Variants in MGAM2 observed in about 807,000 individuals in gnomAD.
MGAM2 encodes probable maltase-glucoamylase 2.
MGAM2 carries 98 observed loss-of-function variants against 96.1 expected under a neutral mutation model. That is an observed-to-expected ratio of 1.02 (90% CI 0.87 to 1.21). MGAM2 has a LOEUF of 1.21. Ranked by LOEUF, MGAM2 falls within the 50% of genes most tolerant of loss-of-function variation. The pLI is 0.00. For missense variants in MGAM2, 2,055 were observed against 1,182.4 expected, an observed-to-expected ratio of 1.74 and a Z score of -10.82; for synonymous variants, 749 against 414.8, an observed-to-expected ratio of 1.81 and a Z score of -9.79.
At chr7:142,219,843 C>T (rs1797865286) in intron 47 of MGAM2, 27 bp from the exon 48 acceptor site, 1 of 655,814 alleles carries the variant, frequency 1.5e-6, no homozygotes, top group Non-Finnish European at 2.8e-6. Flanking sequence ...TCTAAAATAC[C>T]CATTTATATC....
In MGAM2 at chr7:142,125,431, T is replaced by C. The variant is rs533205599; in HGVS notation, c.186+5050T>C. On this transcript the variant is annotated intron_variant, in intron 3 of 47. Coordinates refer to ENST00000477922, the MANE Select transcript of MGAM2 (RefSeq NM_001293626.2). ...GGTCTGTGGACTTTGAAACAATTTA[T>C]GACAATGAAACTGACCTTTTGAATT... Among the ~76,000 whole-genome samples, 3 of 152,304 alleles carry C rather than the reference T, an allele frequency of 2.0e-5. No homozygotes were observed. In the East Asian group the frequency reaches 5.8e-4, roughly 29 times the overall value.
At chr7:142,188,903 T>A (rs924282540) in intron 36 of MGAM2, among the ~76,000 whole-genome samples, 2 of 152,240 alleles carry the variant, frequency 1.3e-5, no homozygotes, top group African/African-American at 4.8e-5. Flanking sequence ...TATTTTCAAC[T>A]TGTGATGGGT....
chr7:142,174,715 C>CTCTTTTTTTTTTTTTTTTTTTTTTTT (rs1194981898), intron 31 of MGAM2, among the ~76,000 whole-genome samples: 2 of 85,460 alleles, frequency 2.3e-5, no homozygotes, highest in African/African-American at 1.1e-4. Context: ...CTCTCTCTCT[C>CTCTTTTTTTTTTTTTTTTTTTTTTTT]TTTTTTTTTT....
chr7:142,182,620 A>G (rs1238898264), intron 32 of MGAM2, among the ~76,000 whole-genome samples: 2 of 152,092 alleles, frequency 1.3e-5, no homozygotes, highest in Non-Finnish European at 2.9e-5. Context: ...TCAAATGTCT[A>G]TGGTGTTTGT....
chr7:142,196,935 A>G (rs912292891), intron 40 of MGAM2, 119 bp downstream of exon 40: 22 of 612,108 alleles, frequency 3.6e-5, no homozygotes, highest in Admixed American at 3.1e-4. Flanking sequence ...CAGAATCTTA[A>G]TTTCTTGGAA....
At chr7:142,168,136 A>T (rs1796082175) in intron 26 of MGAM2, among the ~76,000 whole-genome samples, 1 of 152,200 alleles carries the variant, frequency 6.6e-6, no homozygotes, top group African/African-American at 2.4e-5. Flanking sequence ...TTTCTCTAGC[A>T]GTAGTTCTCA....
rs570062760 is a variant in MGAM2 at position 142,157,966 on chromosome 7, T to G, written c.1953T>G (p.Asp651Glu). The G allele has an allele frequency of 4.3e-5, 30 of 703,000 alleles. No individual in the cohort carries two copies. The highest frequency in any genetic ancestry group is 4.1e-4 in the South Asian group (28 of 67,596). 43.5% of individuals were successfully genotyped at this position (703,000 alleles called of 1,614,324 possible). A position where few individuals can be genotyped will look rare whatever the true frequency, so the allele number is the denominator to read the frequency against. Residue 651 changes from aspartate to glutamate, a missense_variant, in exon 18 of 48, where the codon GAT (aspartate) becomes GAG (glutamate). Transcript: ENST00000477922. ...RDQDPAAFGVDSLLLKSSRHY... is the reference protein window; with the variant it reads ...RDQDPAAFGVESLLLKSSRHY... ...AGGATCCCGCTGCCTTTGGTGTTGATTCCCTGCTGCTGAAATCCTCCAGAC... is the reference window on the plus strand; with the variant it reads ...AGGATCCCGCTGCCTTTGGTGTTGAGTCCCTGCTGCTGAAATCCTCCAGAC...
At chr7:142,118,575 A>C (rs190201543) in intron 2 of MGAM2, among the ~76,000 whole-genome samples, 1 of 152,222 alleles carries the variant, frequency 6.6e-6, no homozygotes, top group Admixed American at 6.5e-5. Flanking sequence ...TGCTGTTGTC[A>C]TGGGGAGAAG....
At chr7:142,178,577 G>A (rs1296977145) in intron 32 of MGAM2, among the ~76,000 whole-genome samples, 1 of 152,104 alleles carries the variant, frequency 6.6e-6, no homozygotes, top group Non-Finnish European at 1.5e-5. Flanking sequence ...CATATGGTGA[G>A]CCAGTTATCC....
chr7:142,120,832 A>AC, intron 3 of MGAM2, among the ~76,000 whole-genome samples: 1 of 152,196 alleles, frequency 6.6e-6, no homozygotes, highest in South Asian at 2.1e-4. Context: ...GCAAATTGTT[A>AC]CAAGAGCCCT....
At chr7:142,153,052 G>C (rs1321207113) in intron 15 of MGAM2, among the ~76,000 whole-genome samples, 3 of 146,396 alleles carry the variant, frequency 2.0e-5, no homozygotes, top group Non-Finnish European at 4.5e-5. Flanking sequence ...CTGGAGTGCA[G>C]TGGCACGATC....
intron 37 of MGAM2, among the ~76,000 whole-genome samples, chr7:142,195,483 G>T (rs1797005115): frequency 6.7e-6 from 1 of 149,594 alleles, no homozygotes; most frequent in African/African-American, 2.5e-5. Flanking sequence ...CAGCCTCCTG[G>T]GTAGCTGGGA....
chr7:142,208,344 T>C (rs1176522028), intron 45 of MGAM2: 1 of 638,886 alleles, frequency 1.6e-6, no homozygotes, highest in Non-Finnish European at 2.9e-6. Context: ...TCTCTTGCAT[T>C]TGTAACCTTC....
intron 32 of MGAM2, 91 bp downstream of exon 32, chr7:142,175,871 C>G (rs6958102): frequency 0.21 from 138,811 of 646,198 alleles, 16,394 homozygotes; most frequent in East Asian, 0.35. Flanking sequence ...TGAAGGGTAC[C>G]AGAAATGTTC....
intron 35 of MGAM2, 74 bp from the exon 36 acceptor site, chr7:142,187,676 G>T: frequency 1.5e-6 from 1 of 670,214 alleles, no homozygotes; most frequent in Non-Finnish European, 2.7e-6. Context: ...TCATCTCCCT[G>T]AGTTAGTGTC....
chr7:142,199,790 C>G (rs1797162384), intron 44 of MGAM2, 90 bp from the exon 45 acceptor site: 1 of 502,634 alleles, frequency 2.0e-6, no homozygotes, highest in African/African-American at 2.0e-5. Context: ...TCTTTTATTT[C>G]TAGATAAGTA....
chr7:142,167,163 A>C, intron 25 of MGAM2, 105 bp from the exon 26 acceptor site: 1 of 596,348 alleles, frequency 1.7e-6, no homozygotes, highest in Non-Finnish European at 3.0e-6. Context: ...ACCCATAACC[A>C]TGGACATGGT....
intron 14 of MGAM2, among the ~76,000 whole-genome samples, chr7:142,146,292 G>A (rs560148798): frequency 5.3e-5 from 8 of 151,696 alleles, no homozygotes; most frequent in African/African-American, 1.9e-4. Context: ...CTCATAGCCA[G>A]GCAGCCCCTC....
chr7:142,139,753 A>G (rs1000142996), intron 10 of MGAM2, among the ~76,000 whole-genome samples: 24 of 151,940 alleles, frequency 1.6e-4, no homozygotes, highest in African/African-American at 5.3e-4. Context: ...GGGTTCTTCA[A>G]TGCCCTCTCA....
Sources: gnomAD v4.1 joint callset for allele counts (sites outside exome capture counted in the v4.1 genomes callset) on GRCh38, gnomAD v4.1.1 for gene constraint, MANE v1.5 for transcripts, NCBI Gene and HGNC (gene_info 2026-07-23, HGNC 2026-07-21) for gene names.